The following THSD4 variants were observed in gnomAD, a reference collection of about 807,000 sequenced individuals.
THSD4 encodes the protein thrombospondin type-1 domain-containing protein 4.
Under a neutral mutation model 119.0 loss-of-function variants are expected in THSD4, and 69 were observed. The observed-to-expected ratio is 0.58, with a 90% CI of 0.48 to 0.71. The LOEUF (loss-of-function observed/expected upper bound fraction) is 0.71, where lower values mean the gene tolerates loss of function less well. Ranked by LOEUF, THSD4 falls within the 30% of genes least tolerant of loss-of-function variation. The pLI, the probability that THSD4 is intolerant of heterozygous loss-of-function variation, is 0.00. For missense variants in THSD4, 1,393 were observed against 1,391.1 expected, an observed-to-expected ratio of 1.00 and a Z score of -0.02; for synonymous variants, 524 against 540.4, an observed-to-expected ratio of 0.97 and a Z score of 0.42.
chr15:71,214,924 G>A (rs1385469844), intron 3 of THSD4, 111 bp from the exon 4 acceptor site: 2 of 1,201,062 alleles, frequency 1.7e-6, no homozygotes, highest in African/African-American at 3.2e-5. Flanking sequence ...ACTTATCTTT[G>A]AAACAGACTG....
intron 6 of THSD4, among the ~76,000 whole-genome samples, chr15:71,399,607 A>G (rs1050675338): frequency 1.3e-5 from 2 of 152,214 alleles, no homozygotes; most frequent in Non-Finnish European, 2.9e-5. Context: ...CCAGGGTGTC[A>G]GCTAGTAGGC....
intron 16 of THSD4, among the ~76,000 whole-genome samples, chr15:71,765,905 G>A (rs927122982): frequency 1.3e-5 from 2 of 152,060 alleles, no homozygotes; most frequent in African/African-American, 2.4e-5. Context: ...CTACTAGGAA[G>A]CGCAAAGCCA....
chr15:71,320,609 C>T (rs1262541925), intron 6 of THSD4, among the ~76,000 whole-genome samples: 1 of 152,182 alleles, frequency 6.6e-6, no homozygotes, highest in Non-Finnish European at 1.5e-5. Context: ...CCAAGTAGCC[C>T]AAGAAAGCCT....
intron 3 of THSD4, among the ~76,000 whole-genome samples, chr15:71,167,607 A>G (rs2043306109): frequency 2.0e-5 from 3 of 152,212 alleles, no homozygotes; most frequent in African/African-American, 2.4e-5. Flanking sequence ...AATTGTTTTC[A>G]TTACTTAGAT....
At chr15:71,596,429 A>G (rs984525569) in intron 7 of THSD4, among the ~76,000 whole-genome samples, 12 of 152,188 alleles carry the variant, frequency 7.9e-5, no homozygotes, top group Non-Finnish European at 4.4e-5. Flanking sequence ...CTGATGCACT[A>G]AATGCATCAG....
At chr15:71,103,972 G>A (rs1367099150) in intron 1 of THSD4, among the ~76,000 whole-genome samples, 5 of 152,148 alleles carry the variant, frequency 3.3e-5, no homozygotes, top group African/African-American at 1.2e-4. Context: ...CTGATTTAGT[G>A]GGACTTTGAA....
intron 7 of THSD4, among the ~76,000 whole-genome samples, chr15:71,496,184 A>G (rs750616789): frequency 1.3e-5 from 2 of 152,190 alleles, no homozygotes; most frequent in Non-Finnish European, 2.9e-5. Context: ...AGGATATGTA[A>G]TTGTACCTGT....
At chr15:71,570,412 T>TC (rs1491315675) in intron 7 of THSD4, among the ~76,000 whole-genome samples, 2 of 70,732 alleles carry the variant, frequency 2.8e-5, no homozygotes, top group Non-Finnish European at 7.4e-5. Context: ...ACTTTTTTTT[T>TC]CTTTTTTTTT....
chr15:71,150,054 C>T (rs1033987086), intron 2 of THSD4, among the ~76,000 whole-genome samples: 5 of 151,560 alleles, frequency 3.3e-5, no homozygotes, highest in African/African-American at 7.3e-5. Flanking sequence ...ATCGGAAAGT[C>T]TTGGTAGGAA....
Position 71,336,632 on chromosome 15 carries a change from T to C in THSD4, c.1016-75055T>C, listed in dbSNP as rs77168308. Among the ~76,000 whole-genome samples, 1,277 of 152,350 alleles carry C rather than the reference T, an allele frequency of 8.4e-3. 27 individuals carry two copies. Among genetic ancestry groups the C allele is most frequent in the African/African-American group, 0.029 (1,192 of 41,582 alleles). On this transcript the variant is annotated intron_variant, in intron 6 of 17. Transcript: ENST00000261862. ...ACTTTTTAAGAGACATAAAGTGTTA[T>C]ATTTCTGTAAGAGGTGCTTTCCAAA... is the stretch of plus-strand genomic sequence containing the variant.
chr15:71,758,867 A>G (rs978873437), intron 15 of THSD4, among the ~76,000 whole-genome samples: 94 of 152,234 alleles, frequency 6.2e-4, no homozygotes, highest in African/African-American at 2.1e-3. Flanking sequence ...TTGTAAATTG[A>G]CACAAGCCCT....
rs545887308 is a variant in THSD4, at chr15:71,102,905, T to C, written c.-80+5899T>C. ...CTTTTTTCCCCCCTGAGAATTTCGG[T>C]ATTTCCATTTGTTTCAGGAGCACTT... On this transcript the variant is annotated intron_variant, in intron 1 of 17. Coordinates refer to the THSD4 transcript ENST00000355327. Among the ~76,000 whole-genome samples the C allele has an allele frequency of 7.2e-5, 11 of 152,304 alleles. No homozygotes were observed. In the South Asian group the frequency reaches 2.3e-3, roughly 32 times the overall value.
intron 7 of THSD4, among the ~76,000 whole-genome samples, chr15:71,578,253 A>AGT (rs2049493147): frequency 6.6e-6 from 1 of 151,594 alleles, no homozygotes; most frequent in South Asian, 2.1e-4. Context: ...TGTAAGCGGC[A>AGT]GTGTAGACTC....
upstream of THSD4, among the ~76,000 whole-genome samples, chr15:71,114,699 C>T (rs1429981736): frequency 6.6e-6 from 1 of 152,168 alleles, no homozygotes; most frequent in African/African-American, 2.4e-5. Context: ...ATGAAGGGAT[C>T]AAAGTTTGAT....
In THSD4 at chr15:71,730,910, T is replaced by C. The variant is rs551034154; in HGVS notation, c.1534-211T>C. The C allele has an allele frequency of 7.7e-5, 42 of 542,394 alleles. No homozygotes were observed. The South Asian group carries it at 8.2e-4, about 11-fold the overall frequency. The allele number at this position is 542,394 out of a possible 1,614,324, so 33.6% of individuals were successfully genotyped here. A position where few individuals can be genotyped will look rare whatever the true frequency, so the allele number is the denominator to read the frequency against. ...TTAGCTTAGTCTTCTTCTGATTTGC[T>C]CGGCCTAAGTTCTTCATTCTTCAAA... On this transcript the variant is annotated intron_variant, in intron 9 of 17. Transcript: ENST00000261862.
chr15:71,303,136 G>A (rs769031215), intron 6 of THSD4, among the ~76,000 whole-genome samples: 5 of 151,848 alleles, frequency 3.3e-5, no homozygotes, highest in Non-Finnish European at 7.4e-5. Flanking sequence ...GGAGACTCAA[G>A]GCAAAACACT....
chr15:71,243,806 A>G (rs564591598), intron 5 of THSD4, among the ~76,000 whole-genome samples: 1 of 84,798 alleles, frequency 1.2e-5, no homozygotes, highest in African/African-American at 4.6e-5. Flanking sequence ...TTTTTTTGAG[A>G]TGGAGTCTCG....
At chr15:71,560,050 T>A (rs1439029459) in intron 7 of THSD4, among the ~76,000 whole-genome samples, 13 of 152,232 alleles carry the variant, frequency 8.5e-5, no homozygotes, top group Non-Finnish European at 4.4e-5. Context: ...CAATTAGGCA[T>A]TTCTCCTTTA....
chr15:71,496,953 G>C (rs1201628057), intron 7 of THSD4, among the ~76,000 whole-genome samples: 2 of 152,176 alleles, frequency 1.3e-5, no homozygotes, highest in East Asian at 3.8e-4. Context: ...TCTGAGCAGG[G>C]TGATGAATTA....
Sources: gnomAD v4.1 joint callset for allele counts (sites outside exome capture counted in the v4.1 genomes callset) on GRCh38, gnomAD v4.1.1 for gene constraint, MANE v1.5 for transcripts, NCBI Gene and HGNC (gene_info 2026-07-23, HGNC 2026-07-21) for gene names.